Variants in WWOX observed in about 807,000 individuals in gnomAD.
The protein encoded by WWOX is WW domain containing oxidoreductase.
A neutral mutation model predicts 46.2 loss-of-function variants in WWOX; 69 were observed. That is an observed-to-expected ratio of 1.49 (90% confidence interval 1.23 to 1.82). The LOEUF is 1.82. Among genes scored for constraint, WWOX ranks in the 40% most tolerant of loss-of-function variants. The pLI, the probability that WWOX is intolerant of heterozygous loss-of-function variation, is 0.00. For missense variants in WWOX, 919 were observed against 542.6 expected (o/e 1.69, Z -6.89); for synonymous variants, 359 against 202.6 (o/e 1.77, Z -6.56).
intron 8 of WWOX, among the ~76,000 whole-genome samples, chr16:78,958,265 T>C (rs1259664065): frequency 2.6e-5 from 4 of 152,184 alleles, no homozygotes; most frequent in Admixed American, 6.5e-5. Flanking sequence ...CCTTTTAATG[T>C]CATCTTTAAT....
chr16:78,121,696 C>G (rs2033100588), intron 4 of WWOX, among the ~76,000 whole-genome samples: 1 of 151,074 alleles, frequency 6.6e-6, no homozygotes, highest in South Asian at 2.1e-4. Flanking sequence ...GAGTATTACT[C>G]TGTTGCGCAG....
At chr16:78,551,530 C>G (rs1478287848) in intron 8 of WWOX, 1 of 152,168 alleles carries the variant, frequency 6.6e-6, no homozygotes, top group Non-Finnish European at 1.5e-5. Context: ...GTCTCTGGTT[C>G]AAAGGAAAGG....
intron 8 of WWOX, among the ~76,000 whole-genome samples, chr16:78,845,163 G>C (rs1371262785): frequency 7.5e-6 from 1 of 133,778 alleles, no homozygotes; most frequent in East Asian, 2.1e-4. Context: ...AAATACCAAA[G>C]TACTTCTATG....
At chr16:78,781,910 A>G (rs2050336021) in intron 8 of WWOX, among the ~76,000 whole-genome samples, 1 of 152,236 alleles carries the variant, frequency 6.6e-6, no homozygotes, top group Non-Finnish European at 1.5e-5. Context: ...AGGTCTTTAC[A>G]TGTAAAAACA....
chr16:78,232,877 C>T (rs2037313379), intron 5 of WWOX, among the ~76,000 whole-genome samples: 1 of 151,148 alleles, frequency 6.6e-6, no homozygotes, highest in South Asian at 2.1e-4. Flanking sequence ...GAGTCTCGCT[C>T]TGTCACCGGG....
intron 8 of WWOX, among the ~76,000 whole-genome samples, chr16:78,870,550 C>G (rs2044104530): frequency 6.6e-6 from 1 of 151,706 alleles, no homozygotes; most frequent in African/African-American, 2.4e-5. Context: ...ATATGTAATT[C>G]TTCCTCCTCT....
chr16:79,025,588 C>T (rs536028389), intron 8 of WWOX, among the ~76,000 whole-genome samples: 1 of 152,214 alleles, frequency 6.6e-6, no homozygotes, highest in East Asian at 1.9e-4. Context: ...ATAGGTTCTC[C>T]TCAGAGCCCC....
chr16:79,211,153 T>TTCTACCTGA (rs1050407073), intron 8 of WWOX, among the ~76,000 whole-genome samples: 6 of 152,086 alleles, frequency 3.9e-5, no homozygotes, highest in South Asian at 2.1e-4. Context: ...CACTTGGGTT[T>TTCTACCTGA]TCTACCTGAT....
At chr16:78,135,473 A>G (rs905097649) in intron 4 of WWOX, among the ~76,000 whole-genome samples, 1 of 152,226 alleles carries the variant, frequency 6.6e-6, no homozygotes, top group Non-Finnish European at 1.5e-5. Flanking sequence ...CAAATCTTCT[A>G]AATTCAATTT....
At chr16:78,438,502 C>T (rs545262484) in intron 8 of WWOX, among the ~76,000 whole-genome samples, 2 of 151,940 alleles carry the variant, frequency 1.3e-5, no homozygotes, top group Non-Finnish European at 2.9e-5. Flanking sequence ...TAAATACATC[C>T]TTGCCAGAGT....
intron 5 of WWOX, among the ~76,000 whole-genome samples, chr16:78,240,475 C>T (rs1315845599): frequency 3.9e-5 from 6 of 152,146 alleles, no homozygotes; most frequent in East Asian, 1.9e-4. Context: ...AAACCTGGCA[C>T]GGTTTCCACA....
Position 78,723,554 on chromosome 16 carries a change from C to CTTCTTTTCTTTTCTT in WWOX, c.1056+290865_1056+290879dup, listed in dbSNP as rs55748059. Among the ~76,000 whole-genome samples the CTTCTTTTCTTTTCTT allele has an allele frequency of 3.3e-3, 358 of 108,354 alleles. 3 individuals are homozygous for CTTCTTTTCTTTTCTT. The highest frequency in any genetic ancestry group is 9.9e-3 in the Middle Eastern group (2 of 202). The allele number at this position is 108,354 out of a possible 152,430, so 71.1% of individuals were successfully genotyped here. On this transcript the variant is annotated intron_variant, in intron 8 of 8. Coordinates refer to ENST00000566780, the MANE Select transcript of WWOX (RefSeq NM_016373.4). ...CACTTCTTCTACCTTGATTCCCAGC[C>CTTCTTTTCTTTTCTT]TTCTTTTCTTTTCTTTTCTTTTCTT...
rs1393648094 is a variant in WWOX, at chr16:78,340,952, G to C, written c.517-45908G>C. On this transcript the variant is annotated intron_variant, in intron 5 of 8. Transcript: ENST00000566780. ...ATGGTATCCTGCTGGGCTGAGTGGG[G>C]AGGGATTCTCAAGCTGTACATAGCT... Among the ~76,000 whole-genome samples, 2 of 118,910 alleles carry C rather than the reference G, an allele frequency of 1.7e-5. 1 individual carries two copies. The highest frequency in any genetic ancestry group is 4.0e-5 in the Non-Finnish European group (2 of 50,108). 78.0% of individuals were successfully genotyped at this position (118,910 alleles called of 152,430 possible).
At chr16:78,552,933 A>G (rs77632621) in intron 8 of WWOX, 6,525 of 152,362 alleles carry the variant, frequency 0.043, 217 homozygotes, top group African/African-American at 0.09. Flanking sequence ...TACCTGGGAA[A>G]GCCCCAGGGT....
At chr16:78,279,134 G>T (rs1296215297) in intron 5 of WWOX, among the ~76,000 whole-genome samples, 1 of 152,044 alleles carries the variant, frequency 6.6e-6, no homozygotes, top group African/African-American at 2.4e-5. Context: ...TGAATAAGTA[G>T]AAAAACCATG....
chr16:78,688,809 G>A (rs1360343826), intron 8 of WWOX, among the ~76,000 whole-genome samples: 1 of 152,138 alleles, frequency 6.6e-6, no homozygotes, highest in Non-Finnish European at 1.5e-5. Context: ...CACGTGTCAT[G>A]GGAGGGACCC....
rs1235503240 is a variant in WWOX, at chr16:78,347,781, G to C, written c.517-39079G>C. On this transcript the variant is annotated intron_variant, in intron 5 of 8. Coordinates refer to ENST00000566780, the MANE Select transcript of WWOX (RefSeq NM_016373.4). ...CTGGCAATTTCTGATTATAATTTTA[G>C]AAATATTTCTAACCTCTGGCCTTTT... Among the ~76,000 whole-genome samples the C allele has an allele frequency of 4.1e-5, 5 of 121,824 alleles. 1 individual carries two copies. The highest frequency in any genetic ancestry group is 1.1e-4 in the African/African-American group (4 of 36,036). The allele number at this position is 121,824 out of a possible 152,430, so 79.9% of individuals were successfully genotyped here.
At chr16:78,846,835 T>C (rs565536676) in intron 8 of WWOX, among the ~76,000 whole-genome samples, 2 of 152,356 alleles carry the variant, frequency 1.3e-5, no homozygotes, top group South Asian at 4.1e-4. Context: ...TGATATTGTC[T>C]TTCTGTCATG....
intron 8 of WWOX, among the ~76,000 whole-genome samples, chr16:78,745,589 C>G (rs909520522): frequency 6.7e-6 from 1 of 148,200 alleles, no homozygotes; most frequent in African/African-American, 2.5e-5. Context: ...ATTTTAAAGC[C>G]CTTCTTGGCT....
Sources: allele counts gnomAD v4.1 joint callset (sites outside exome capture counted in the v4.1 genomes callset), GRCh38; gene constraint gnomAD v4.1.1; transcripts MANE v1.5; gene names NCBI Gene and HGNC (gene_info 2026-07-23, HGNC 2026-07-21).